Variants in PPARGC1A observed in about 807,000 individuals in gnomAD.
The protein encoded by PPARGC1A is PPARG coactivator 1 alpha.
A neutral mutation model predicts 88.7 loss-of-function variants in PPARGC1A; 25 were observed. The observed-to-expected ratio is 0.28, with a 90% CI of 0.21 to 0.39. The LOEUF is 0.39. PPARGC1A is among the 10% of genes least tolerant of loss of function. The probability of loss-of-function intolerance (pLI) is 1.00; values close to 1 mark genes in which losing one functional copy is unlikely to be tolerated. For missense variants in PPARGC1A, 880 were observed against 968.7 expected (o/e 0.91, Z 1.22); for synonymous variants, 363 against 355.6 (o/e 1.02, Z -0.24).
the PPARGC1A span, among the ~76,000 whole-genome samples, chr4:24,049,140 ATG>A: frequency 2.7e-5 from 4 of 149,646 alleles, no homozygotes; most frequent in Non-Finnish European, 5.9e-5. Flanking sequence ...GTGTGTGCGT[ATG>A]TGTGTGTGTG....
At chr4:24,100,977 T>C in the PPARGC1A span, among the ~76,000 whole-genome samples, 1 of 152,176 alleles carries the variant, frequency 6.6e-6, no homozygotes, top group Non-Finnish European at 1.5e-5. Context: ...TGAGCATGCA[T>C]TTGCTTAACA....
chr4:24,181,584 T>G, the PPARGC1A span, among the ~76,000 whole-genome samples: 1 of 152,142 alleles, frequency 6.6e-6, no homozygotes, highest in Non-Finnish European at 1.5e-5. Context: ...CAGATCCACA[T>G]GTTTGCCAGT....
the PPARGC1A span, among the ~76,000 whole-genome samples, chr4:24,080,026 ATTATAT>A: frequency 6.6e-6 from 1 of 151,828 alleles, no homozygotes. Context: ...TAACTCTCTC[ATTATAT>A]TTATTATTCA....
the PPARGC1A span, among the ~76,000 whole-genome samples, chr4:23,939,221 T>A: frequency 1.3e-5 from 2 of 151,866 alleles, no homozygotes. Context: ...GAACTTTGCA[T>A]ATCAAACCCC....
At chr4:23,962,240 T>G in the PPARGC1A span, among the ~76,000 whole-genome samples, 3 of 152,116 alleles carry the variant, frequency 2.0e-5, no homozygotes. Flanking sequence ...TGTCAAATTC[T>G]GTTGTATATT....
chr4:23,795,291 T>TTA lies in PPARGC1A; in HGVS notation c.*529_*530dup, dbSNP rs138055487. ...TTGTTAGTTTTCTTTCCTTTTTAATTTATATATATATATATATATATATAT... is the reference window on the plus strand; with the variant it reads ...TTGTTAGTTTTCTTTCCTTTTTAATTTATATATATATATATATATATATATAT... On this transcript the variant is annotated 3_prime_UTR_variant, in exon 13 of 13. Coordinates refer to ENST00000264867, the MANE Select transcript of PPARGC1A (RefSeq NM_013261.5). The TTA allele has an allele frequency of 0.024, 627 of 26,528 alleles. 2 individuals are homozygous for TTA. Among genetic ancestry groups the TTA allele is most frequent in the Middle Eastern group, 0.037 (2 of 54 alleles). 1.6% of individuals were successfully genotyped at this position (26,528 alleles called of 1,614,324 possible).
chr4:24,454,581 T>A, the PPARGC1A span, among the ~76,000 whole-genome samples: 3 of 151,804 alleles, frequency 2.0e-5, no homozygotes, highest in South Asian at 2.1e-4. Flanking sequence ...ACAAAAAAAA[T>A]TTTTTAAATA....
chr4:24,402,686 A>G, the PPARGC1A span, among the ~76,000 whole-genome samples: 1 of 152,254 alleles, frequency 6.6e-6, no homozygotes, highest in Non-Finnish European at 1.5e-5. Flanking sequence ...TCCTTTCCCC[A>G]GAGGCCTAGT....
the PPARGC1A span, among the ~76,000 whole-genome samples, chr4:24,028,768 A>C: frequency 3.3e-5 from 5 of 152,226 alleles, no homozygotes; most frequent in African/African-American, 7.2e-5. Context: ...CTCAAAATGC[A>C]AGCTGGTCTG....
the PPARGC1A span, among the ~76,000 whole-genome samples, chr4:24,007,842 G>A: frequency 6.6e-6 from 1 of 152,096 alleles, no homozygotes; most frequent in African/African-American, 2.4e-5. Flanking sequence ...CAGGTTAGGA[G>A]GCTAGTGCAG....
chr4:24,201,007 T>C, the PPARGC1A span, among the ~76,000 whole-genome samples: 26 of 152,320 alleles, frequency 1.7e-4, 1 homozygote, highest in Middle Eastern at 3.4e-3. Context: ...AAGGTACCAT[T>C]CTACATGATA....
At chr4:24,336,820 T>G in the PPARGC1A span, among the ~76,000 whole-genome samples, 2 of 152,144 alleles carry the variant, frequency 1.3e-5, no homozygotes, top group African/African-American at 2.4e-5. Context: ...CCCAGCTACT[T>G]GGGAGGCTAA....
chr4:24,325,881 A>C, the PPARGC1A span, among the ~76,000 whole-genome samples: 2 of 150,656 alleles, frequency 1.3e-5, no homozygotes, highest in Non-Finnish European at 3.0e-5. Context: ...ACCTCTTAAA[A>C]CTCCCCAACT....
At chr4:23,972,996 C>T in the PPARGC1A span, among the ~76,000 whole-genome samples, 1 of 152,134 alleles carries the variant, frequency 6.6e-6, no homozygotes, top group African/African-American at 2.4e-5. Context: ...AGATTAACTG[C>T]ATTATTATTC....
chr4:24,040,124 A>G, the PPARGC1A span, among the ~76,000 whole-genome samples: 3 of 152,180 alleles, frequency 2.0e-5, no homozygotes, highest in Non-Finnish European at 2.9e-5. Context: ...ACCAATAGAC[A>G]TCCAATACTT....
At chr4:24,231,293 C>T in the PPARGC1A span, among the ~76,000 whole-genome samples, 1 of 152,228 alleles carries the variant, frequency 6.6e-6, no homozygotes, top group African/African-American at 2.4e-5. Flanking sequence ...GACCAGGAAC[C>T]TCTGGGTTTA....
At chr4:24,235,867 A>C in the PPARGC1A span, among the ~76,000 whole-genome samples, 1 of 152,188 alleles carries the variant, frequency 6.6e-6, no homozygotes, top group Non-Finnish European at 1.5e-5. Flanking sequence ...TGCCTTTTCC[A>C]AGCAGAAAAG....
the PPARGC1A span, among the ~76,000 whole-genome samples, chr4:24,363,613 A>T: frequency 6.6e-6 from 1 of 152,216 alleles, no homozygotes. Flanking sequence ...GCCCTAACAA[A>T]CAAAATCTGC....
At chr4:24,393,176 G>T in the PPARGC1A span, among the ~76,000 whole-genome samples, 4 of 152,094 alleles carry the variant, frequency 2.6e-5, no homozygotes, top group African/African-American at 9.7e-5. Flanking sequence ...TGCTACAAAG[G>T]CCTCAGTAAC....
Sources: allele counts gnomAD v4.1 joint callset (sites outside exome capture counted in the v4.1 genomes callset), GRCh38; gene constraint gnomAD v4.1.1; transcripts MANE v1.5; gene names NCBI Gene and HGNC (gene_info 2026-07-23, HGNC 2026-07-21).